NOX4: variants seen among roughly 807,000 people sequenced by gnomAD.
The protein encoded by NOX4 is NADPH oxidase 4.
A neutral mutation model predicts 87.6 loss-of-function variants in NOX4; 69 were observed. That is an observed-to-expected ratio of 0.79 (90% CI 0.65 to 0.96). NOX4 has a LOEUF of 0.96. NOX4 is among the 40% of genes least tolerant of loss of function. The probability of loss-of-function intolerance (pLI) is 0.00; values close to 1 mark genes in which losing one functional copy is unlikely to be tolerated. For synonymous variants in NOX4, 275 were observed against 238.2 expected (o/e 1.15, Z -1.42); for missense variants, 680 against 681.5 (o/e 1.00, Z 0.02).
At chr11:89,548,606 G>T in the NOX4 span, 57,733 of 151,976 alleles carry the variant, frequency 0.38, 11,253 homozygotes, top group African/African-American at 0.46. Flanking sequence ...GGCCTAGACA[G>T]TGAGGCCTTT....
At chr11:89,455,723 T>C (rs1206726764) in intron 2 of NOX4, among the ~76,000 whole-genome samples, 1 of 33,240 alleles carries the variant, frequency 3.0e-5, no homozygotes, top group Admixed American at 4.4e-4. Context: ...TGAAGTCATA[T>C]ATATATATAT....
At chr11:89,439,270 C>T (rs554673217) in intron 6 of NOX4, among the ~76,000 whole-genome samples, 3 of 151,522 alleles carry the variant, frequency 2.0e-5, no homozygotes, top group South Asian at 4.2e-4. Flanking sequence ...TTGGTTGATA[C>T]GTAAAGTTTT....
intron 12 of NOX4, among the ~76,000 whole-genome samples, chr11:89,368,934 A>G (rs531849096): frequency 2.0e-5 from 3 of 152,232 alleles, no homozygotes; most frequent in African/African-American, 7.2e-5. Context: ...AACTTTTTAA[A>G]GATATATTTT....
At chr11:89,488,809 T>C (rs772658757) in intron 2 of NOX4, 53 of 516,396 alleles carry the variant, frequency 1.0e-4, no homozygotes, top group Non-Finnish European at 8.5e-5. Flanking sequence ...AATGGGGAAA[T>C]ACTAGAAAAC....
intron 13 of NOX4, among the ~76,000 whole-genome samples, chr11:89,345,624 C>T (rs1347026145): frequency 1.3e-5 from 2 of 152,092 alleles, no homozygotes; most frequent in Non-Finnish European, 2.9e-5. Context: ...CTATTGTTTC[C>T]ATCTTCATGT....
At position 89,423,247 on chromosome 11, in the gene NOX4, T is replaced by C. The variant is rs188076138; in HGVS notation, c.549-1265A>G. ...CCAACTGTAGGCTAGGAGTGCCTGTTTCCCAAAAACTCAGACTAAATTTTG... is the reference window on the plus strand; with the variant it reads ...CCAACTGTAGGCTAGGAGTGCCTGTCTCCCAAAAACTCAGACTAAATTTTG... On this transcript the variant is annotated intron_variant, in intron 7 of 17. Coordinates refer to ENST00000263317, the MANE Select transcript of NOX4 (RefSeq NM_016931.5). Among the ~76,000 whole-genome samples, 11 of 152,284 alleles carry C rather than the reference T, an allele frequency of 7.2e-5. No individual in the cohort carries two copies. In the East Asian group the frequency reaches 1.4e-3, roughly 19 times the overall value.
chr11:89,516,083 G>T, the NOX4 span, among the ~76,000 whole-genome samples: 1 of 151,464 alleles, frequency 6.6e-6, no homozygotes, highest in Non-Finnish European at 1.5e-5. Context: ...CATCTCTAAT[G>T]TTCTTTATTA....
chr11:89,413,523 A>G (rs1591163168), intron 8 of NOX4, among the ~76,000 whole-genome samples: 1 of 152,260 alleles, frequency 6.6e-6, no homozygotes, highest in East Asian at 1.9e-4. Flanking sequence ...CTCATTTTCA[A>G]CGACGTGGGT....
intron 14 of NOX4, among the ~76,000 whole-genome samples, chr11:89,341,432 C>T (rs1945997658): frequency 6.6e-6 from 1 of 151,964 alleles, no homozygotes; most frequent in South Asian, 2.1e-4. Context: ...CACAATTTCA[C>T]CTTTGAAGTT....
chr11:89,507,097 C>G, the NOX4 span, among the ~76,000 whole-genome samples: 13 of 151,750 alleles, frequency 8.6e-5, no homozygotes, highest in Non-Finnish European at 1.9e-4. Flanking sequence ...GGAATAAAAA[C>G]TATATTCTAT....
chr11:89,531,814 C>T, the NOX4 span, among the ~76,000 whole-genome samples: 9 of 152,252 alleles, frequency 5.9e-5, no homozygotes, highest in African/African-American at 2.2e-4. Context: ...AAACAGTTTT[C>T]TGGGCCAGAC....
chr11:89,451,867 G>T lies in NOX4; in HGVS notation c.182C>A (p.Ala61Glu). 6.2e-7 allele frequency: 1 copy of T among 1,613,090 alleles called. No individual in the cohort carries two copies. The highest frequency in any genetic ancestry group is 1.1e-5 in the South Asian group (1 of 91,068). The change falls in exon 3 of 18, where the codon GCA becomes GAA. Residue 61 changes from alanine to glutamate, a missense_variant. Transcript: ENST00000263317. ...GCTGCAGTTGAGGTTAAGAACAGAT[G>T]CTGAGGCTCTGCTTAGACACAATCC... ...GLGLCLSRAS[A>E]SVLNLNCSLI...
At chr11:89,587,832 T>A in the NOX4 span, among the ~76,000 whole-genome samples, 3 of 152,196 alleles carry the variant, frequency 2.0e-5, no homozygotes, top group African/African-American at 7.2e-5. Flanking sequence ...GGATTGGGAT[T>A]GGGCTATTCT....
chr11:89,396,515 C>G (rs1458924603), intron 11 of NOX4, among the ~76,000 whole-genome samples: 1 of 152,016 alleles, frequency 6.6e-6, no homozygotes, highest in Non-Finnish European at 1.5e-5. Context: ...TTAAGAGACA[C>G]AGACTGGCAA....
chr11:89,393,226 A>C (rs1157482304), intron 11 of NOX4, among the ~76,000 whole-genome samples: 1 of 152,084 alleles, frequency 6.6e-6, no homozygotes, highest in Non-Finnish European at 1.5e-5. Context: ...CCTATAATAC[A>C]CAGAACAACA....
In NOX4 at chr11:89,428,816, A is replaced by G. The variant is rs189171008; in HGVS notation, c.548+3968T>C. ...CATTAGACAGATCAACGAGACAGAAAGTTAACAAGGATATCCAGGAATTGA... is the reference window on the plus strand; with the variant it reads ...CATTAGACAGATCAACGAGACAGAAGGTTAACAAGGATATCCAGGAATTGA... On this transcript the variant is annotated intron_variant, in intron 7 of 17. Transcript: ENST00000263317. Among the ~76,000 whole-genome samples the G allele has an allele frequency of 3.0e-4, 46 of 152,292 alleles. No homozygotes were observed. In the East Asian group the frequency reaches 8.7e-3, roughly 29 times the overall value.
upstream of NOX4, among the ~76,000 whole-genome samples, chr11:89,497,146 C>A (rs1284426315): frequency 6.6e-6 from 1 of 152,144 alleles, no homozygotes; most frequent in African/African-American, 2.4e-5. Flanking sequence ...TACCAGCAGG[C>A]CTTTGTGTTG....
chr11:89,449,584 A>G, intron 3 of NOX4, 60 bp from the exon 4 acceptor site: 1 of 1,332,114 alleles, frequency 7.5e-7, no homozygotes, highest in Non-Finnish European at 1.1e-6. Flanking sequence ...AAAGTTTTTC[A>G]GTATAGCATT....
At chr11:89,456,342 C>T (rs1945197239) in intron 2 of NOX4, among the ~76,000 whole-genome samples, 1 of 151,784 alleles carries the variant, frequency 6.6e-6, no homozygotes, top group Non-Finnish European at 1.5e-5. Context: ...TATAAATGCA[C>T]AAATATTTCT....
Sources: gnomAD v4.1 joint callset for allele counts (sites outside exome capture counted in the v4.1 genomes callset) on GRCh38, gnomAD v4.1.1 for gene constraint, MANE v1.5 for transcripts, NCBI Gene and HGNC (gene_info 2026-07-23, HGNC 2026-07-21) for gene names.